Variants in PBX3 observed in about 807,000 individuals in gnomAD.
The protein encoded by PBX3 is PBX homeobox 3.
In PBX3, 14 loss-of-function variants were observed where a neutral mutation model predicts 48.5. That is an observed-to-expected ratio of 0.29 (90% CI 0.19 to 0.45). The LOEUF is 0.45. Ranked by LOEUF, PBX3 falls within the 20% of genes least tolerant of loss-of-function variation. The probability of loss-of-function intolerance (pLI) is 1.00; values close to 1 mark genes in which losing one functional copy is unlikely to be tolerated. For missense variants in PBX3, 386 were observed against 546.7 expected (o/e 0.71, Z 2.93); for synonymous variants, 210 against 200.3 (o/e 1.05, Z -0.41).
chr9:125,824,233 T>C (rs1042678094), intron 2 of PBX3, among the ~76,000 whole-genome samples: 15 of 152,178 alleles, frequency 9.9e-5, no homozygotes, highest in African/African-American at 3.6e-4. Flanking sequence ...TAAGAAAGAT[T>C]GTGGTTTGAT....
chr9:125,835,034 AAAAAAAAAAAAAAAAAAG>A (rs1839086425), intron 2 of PBX3, among the ~76,000 whole-genome samples: 1 of 148,280 alleles, frequency 6.7e-6, no homozygotes, highest in Non-Finnish European at 1.5e-5. Flanking sequence ...AAAAAAAAAA[AAAAAAAAAAAAAAAAAAG>A]GGCAAAAGAT....
chr9:125,783,924 C>A (rs1378636015), intron 2 of PBX3, among the ~76,000 whole-genome samples: 2 of 152,004 alleles, frequency 1.3e-5, no homozygotes, highest in African/African-American at 4.8e-5. Flanking sequence ...TCACTTGAAC[C>A]CAGGAGGCAG....
chr9:125,759,141 T>G lies in PBX3; in HGVS notation c.274+10518T>G, dbSNP rs1836596916. ...TAAAAAAATGTGGTCAGGTCCAGAG[T>G]GACACTGAGTGGCAGCAGAGCTGTG... On this transcript the variant is annotated intron_variant, in intron 2 of 8. Transcript: ENST00000373489. This position sits in a 1 kb window ranked among gnomAD's most constrained non-coding sequence, Gnocchi z 4.2. Among the ~76,000 whole-genome samples the G allele has an allele frequency of 1.3e-5, 2 of 152,246 alleles. No homozygotes were observed. The highest frequency in any genetic ancestry group is 4.1e-4 in the South Asian group (2 of 4,828).
intron 5 of PBX3, among the ~76,000 whole-genome samples, chr9:125,956,199 G>A (rs1412151822): frequency 6.6e-6 from 1 of 152,164 alleles, no homozygotes; most frequent in Non-Finnish European, 1.5e-5. Flanking sequence ...TTATAGGAAA[G>A]GAAACACTAA....
intron 2 of PBX3, among the ~76,000 whole-genome samples, chr9:125,909,119 C>G (rs1239816020): frequency 6.6e-6 from 1 of 152,124 alleles, no homozygotes; most frequent in African/African-American, 2.4e-5. Context: ...ACTCTTCTTT[C>G]CGCATTTTTA....
At chr9:125,947,518 A>G (rs1271849347) in intron 5 of PBX3, among the ~76,000 whole-genome samples, 2 of 152,168 alleles carry the variant, frequency 1.3e-5, no homozygotes, top group Admixed American at 1.3e-4. Flanking sequence ...AGTAAAGCAT[A>G]TATAGCTTTC....
intron 2 of PBX3, among the ~76,000 whole-genome samples, chr9:125,779,883 G>C (rs1477537057): frequency 3.5e-5 from 4 of 115,278 alleles, no homozygotes; most frequent in African/African-American, 1.3e-4. Context: ...CTGGCCGGGC[G>C]GGGGGCTGAC....
chr9:125,838,033 T>C (rs1839188261), intron 2 of PBX3, among the ~76,000 whole-genome samples: 1 of 152,146 alleles, frequency 6.6e-6, no homozygotes, highest in Non-Finnish European at 1.5e-5. Flanking sequence ...TGATACCATA[T>C]GGAAAAAAAA....
intron 2 of PBX3, among the ~76,000 whole-genome samples, chr9:125,811,576 A>C (rs1341661350): frequency 6.6e-6 from 1 of 152,134 alleles, no homozygotes; most frequent in African/African-American, 2.4e-5. Flanking sequence ...AAGTCTCCTG[A>C]GGCCTCCCCA....
chr9:125,781,660 ATTCT>A (rs1165437444), intron 2 of PBX3, among the ~76,000 whole-genome samples: 1 of 151,774 alleles, frequency 6.6e-6, no homozygotes, highest in Non-Finnish European at 1.5e-5. Flanking sequence ...GGTCTTATTG[ATTCT>A]TTCTATTGTT....
intron 4 of PBX3, among the ~76,000 whole-genome samples, chr9:125,930,967 A>C (rs1041060189): frequency 6.6e-6 from 1 of 152,218 alleles, no homozygotes; most frequent in African/African-American, 2.4e-5. Context: ...TGTTGTTGTG[A>C]AGATTTTATT....
intron 2 of PBX3, among the ~76,000 whole-genome samples, chr9:125,761,201 AG>A (rs1312413652): frequency 6.6e-6 from 1 of 151,566 alleles, no homozygotes; most frequent in Non-Finnish European, 1.5e-5. Flanking sequence ...TCTAATAAAT[AG>A]TTTCTTTTTT....
At chr9:125,853,729 A>C (rs966995462) in intron 2 of PBX3, among the ~76,000 whole-genome samples, 1 of 152,232 alleles carries the variant, frequency 6.6e-6, no homozygotes, top group Non-Finnish European at 1.5e-5. Flanking sequence ...GATTGCAACT[A>C]TTTGAGTTTA....
chr9:125,832,236 C>T (rs113771598), intron 2 of PBX3, among the ~76,000 whole-genome samples: 110 of 150,548 alleles, frequency 7.3e-4, no homozygotes, highest in African/African-American at 2.6e-3. Context: ...CGCTCTGTTG[C>T]CCAGGCTGGA....
At chr9:125,872,312 TAAAC>T (rs1248781630) in intron 2 of PBX3, among the ~76,000 whole-genome samples, 4 of 152,082 alleles carry the variant, frequency 2.6e-5, no homozygotes, top group Non-Finnish European at 5.9e-5. Context: ...CAGAGGGTAC[TAAAC>T]AAACAAATAG....
At chr9:125,951,459 C>T (rs910605986) in intron 5 of PBX3, among the ~76,000 whole-genome samples, 6 of 152,120 alleles carry the variant, frequency 3.9e-5, no homozygotes, top group South Asian at 4.1e-4. Flanking sequence ...GATCAGCTTG[C>T]CCAGAACTTG....
In PBX3 at chr9:125,797,763, T is replaced by C. The variant is rs552993964; in HGVS notation, c.274+49140T>C. 4.6e-5 allele frequency among the ~76,000 whole-genome samples: 7 copies of C among 152,258 alleles called. No individual in the cohort carries two copies. In the East Asian group the frequency reaches 1.3e-3, roughly 29 times the overall value. ...TAACTATAGTCCTTATATTGTACAT[T>C]AGGTATTTAGACTTGTTCATTCTAC... On this transcript the variant is annotated intron_variant, in intron 2 of 8. Coordinates refer to ENST00000373489, the MANE Select transcript of PBX3 (RefSeq NM_006195.6).
intron 2 of PBX3, among the ~76,000 whole-genome samples, chr9:125,891,802 T>TGA (rs1284601968): frequency 2.6e-5 from 4 of 152,376 alleles, no homozygotes; most frequent in African/African-American, 9.6e-5. Context: ...ATTTTGACTC[T>TGA]GTTTCTATTC....
chr9:125,865,990 C>CTTT (rs200362144), intron 2 of PBX3, among the ~76,000 whole-genome samples: 3,466 of 140,518 alleles, frequency 0.025, 156 homozygotes, highest in African/African-American at 0.085. Context: ...AAGAAAATAG[C>CTTT]TTTTTTTTTT....
Sources: gnomAD v4.1 joint callset for allele counts (sites outside exome capture counted in the v4.1 genomes callset) on GRCh38, gnomAD v4.1.1 for gene constraint, Gnocchi (gnomAD v3.1) non-coding constraint, MANE v1.5 for transcripts, NCBI Gene and HGNC (gene_info 2026-07-23, HGNC 2026-07-21) for gene names.